Variants in DIP2C observed in about 807,000 individuals in gnomAD.
DIP2C encodes disco-interacting protein 2 homolog C.
A neutral mutation model predicts 192.4 loss-of-function variants in DIP2C; 33 were observed. The ratio of observed to expected loss-of-function variants is 0.17; its 90% confidence interval spans 0.13 to 0.23. DIP2C has a LOEUF of 0.23. Among genes scored for constraint, DIP2C ranks in the 10% least tolerant of loss-of-function variants. DIP2C has a pLI of 1.00. For missense variants in DIP2C, 1,537 were observed against 2,110.1 expected (o/e 0.73, Z 5.32); for synonymous variants, 979 against 864.1 (o/e 1.13, Z -2.33).
At position 598,156 on chromosome 10, in the gene DIP2C, A is replaced by C. The variant is rs1390331501; in HGVS notation, c.85+91338T>G. On this transcript the variant is annotated intron_variant, in intron 1 of 36. Coordinates refer to ENST00000280886, the MANE Select transcript of DIP2C (RefSeq NM_014974.3). ...AAGTGCCAGGCAAAGAGTCGGAGAC[A>C]CCAGGGATGGAGCAGCACTCACTGG... Among the ~76,000 whole-genome samples the C allele has an allele frequency of 2.0e-5, 3 of 152,196 alleles. No homozygotes were observed. In the East Asian group the frequency reaches 5.8e-4, roughly 29 times the overall value.
chr10:676,800 G>C (rs1363709840), intron 1 of DIP2C, among the ~76,000 whole-genome samples: 1 of 152,108 alleles, frequency 6.6e-6, no homozygotes, highest in Non-Finnish European at 1.5e-5. Flanking sequence ...GGCGGGAAGG[G>C]AGAAAGGGAG....
intron 1 of DIP2C, among the ~76,000 whole-genome samples, chr10:553,199 T>TC (rs2130954633): frequency 6.6e-6 from 1 of 152,288 alleles, no homozygotes; most frequent in South Asian, 2.1e-4. Context: ...GTCCTGCCCC[T>TC]CTTCTCCCTC....
intron 32 of DIP2C, among the ~76,000 whole-genome samples, chr10:298,852 A>G (rs1041302671): frequency 3.3e-5 from 5 of 152,124 alleles, no homozygotes; most frequent in African/African-American, 7.2e-5. Flanking sequence ...TCCTACTTCA[A>G]TCTTCGCTTG....
At chr10:400,068 A>G (rs1964295330) in intron 9 of DIP2C, among the ~76,000 whole-genome samples, 1 of 152,242 alleles carries the variant, frequency 6.6e-6, no homozygotes, top group African/African-American at 2.4e-5. Flanking sequence ...TTCTAAAGAA[A>G]CAAGTTCACT....
chr10:512,375 A>G (rs571064002), intron 1 of DIP2C, among the ~76,000 whole-genome samples: 31 of 152,276 alleles, frequency 2.0e-4, no homozygotes, highest in African/African-American at 7.5e-4. Flanking sequence ...CCTGGGAAAC[A>G]TGGCAAAACC....
intron 1 of DIP2C, among the ~76,000 whole-genome samples, chr10:549,365 C>T (rs1252191389): frequency 1.3e-5 from 2 of 152,138 alleles, no homozygotes; most frequent in South Asian, 2.1e-4. Flanking sequence ...ACGTCCTTGT[C>T]ACCTAAGCAC....
chr10:594,148 T>C (rs1175957371), intron 1 of DIP2C, among the ~76,000 whole-genome samples: 1 of 152,208 alleles, frequency 6.6e-6, no homozygotes, highest in Non-Finnish European at 1.5e-5. Flanking sequence ...AAGGTCCCGT[T>C]GCAGACTGGG....
In DIP2C at chr10:375,205, C is replaced by T. The variant is rs182370351; in HGVS notation, c.1992-5572G>A. ...AGGTGGGCCTGTTCTCGCAGTAACA[C>T]GAGAGTTCTCACTTTATGAGTTCAC... On this transcript the variant is annotated intron_variant, in intron 17 of 36. Coordinates refer to ENST00000280886, the MANE Select transcript of DIP2C (RefSeq NM_014974.3). Among the ~76,000 whole-genome samples, 343 of 152,314 alleles carry T rather than the reference C, an allele frequency of 2.3e-3. 1 individual carries two copies. The highest frequency in any genetic ancestry group is 0.014 in the Middle Eastern group (4 of 294).
chr10:505,366 C>T (rs966670091), intron 1 of DIP2C, among the ~76,000 whole-genome samples: 5 of 152,220 alleles, frequency 3.3e-5, no homozygotes, highest in African/African-American at 4.8e-5. Context: ...GAGGAACGGA[C>T]AGGGGCATCT....
In DIP2C at chr10:571,096, G is replaced by A. The variant is rs1476578305; in HGVS notation, c.86-84566C>T. 3.3e-5 allele frequency among the ~76,000 whole-genome samples: 5 copies of A among 152,336 alleles called. No individual in the cohort carries two copies. The South Asian group carries it at 6.2e-4, about 19-fold the overall frequency. On this transcript the variant is annotated intron_variant, in intron 1 of 36. Transcript: ENST00000280886. ...ACAATTACAGGATCTGAAGCTGGCC[G>A]ACTGCTCTGTAGAATGGAGACATGT...
At chr10:557,253 C>T (rs1325380435) in intron 1 of DIP2C, among the ~76,000 whole-genome samples, 6 of 152,236 alleles carry the variant, frequency 3.9e-5, no homozygotes, top group Admixed American at 3.9e-4. Flanking sequence ...CATCCTGGAG[C>T]AGAACCTCCA....
At chr10:325,064 A>G (rs7906613) in intron 31 of DIP2C, 9,849 of 446,330 alleles carry the variant, frequency 0.022, 293 homozygotes, top group African/African-American at 0.08. Context: ...AGGAGATCAA[A>G]ACCATGCTGG....
At chr10:623,317 C>T (rs1007283209) in intron 1 of DIP2C, among the ~76,000 whole-genome samples, 1 of 149,180 alleles carries the variant, frequency 6.7e-6, no homozygotes, top group African/African-American at 2.5e-5. Context: ...CAGCACCAGA[C>T]GGATGCCTGC....
At chr10:628,073 C>T (rs968747651) in intron 1 of DIP2C, among the ~76,000 whole-genome samples, 2 of 152,248 alleles carry the variant, frequency 1.3e-5, no homozygotes, top group African/African-American at 4.8e-5. Flanking sequence ...AGGCCTCACT[C>T]ACCACTCTGA....
At chr10:592,947 C>G (rs1346200969) in intron 1 of DIP2C, among the ~76,000 whole-genome samples, 1 of 152,118 alleles carries the variant, frequency 6.6e-6, no homozygotes, top group Non-Finnish European at 1.5e-5. Context: ...AACACGAGGT[C>G]ACTGTTATTT....
intron 1 of DIP2C, among the ~76,000 whole-genome samples, chr10:576,396 C>A (rs1046093386): frequency 2.1e-4 from 32 of 152,214 alleles, no homozygotes; most frequent in African/African-American, 7.7e-4. Flanking sequence ...TCAGACAGGC[C>A]TGGTCTCAGC....
chr10:454,896 A>G (rs1456667084), intron 3 of DIP2C, among the ~76,000 whole-genome samples: 2 of 152,194 alleles, frequency 1.3e-5, no homozygotes, highest in African/African-American at 4.8e-5. Flanking sequence ...CTAGATTACT[A>G]TGTATATCCA....
intron 4 of DIP2C, among the ~76,000 whole-genome samples, chr10:431,456 T>G (rs1429712706): frequency 1.3e-5 from 2 of 152,160 alleles, no homozygotes; most frequent in Non-Finnish European, 2.9e-5. Flanking sequence ...TTTTTTTAAA[T>G]TATTATTTTT....
intron 3 of DIP2C, among the ~76,000 whole-genome samples, chr10:452,949 A>G (rs1283399922): frequency 6.6e-6 from 1 of 152,148 alleles, no homozygotes; most frequent in Admixed American, 6.5e-5. Flanking sequence ...CAGTGCGAGG[A>G]AGGGGGCAGT....
Sources: allele counts gnomAD v4.1 joint callset (sites outside exome capture counted in the v4.1 genomes callset), GRCh38; gene constraint gnomAD v4.1.1; transcripts MANE v1.5; gene names NCBI Gene and HGNC (gene_info 2026-07-23, HGNC 2026-07-21).